The following B4GALT5 variants were observed in gnomAD, a reference collection of about 807,000 sequenced individuals.
B4GALT5 encodes beta-1,4-galactosyltransferase 5, also known as UDP-Gal:beta-GlcNAc beta-1,4-galactosyltransferase 5.
A neutral mutation model predicts 45.0 loss-of-function variants in B4GALT5; 11 were observed. That is an observed-to-expected ratio of 0.24 (90% CI 0.15 to 0.40). B4GALT5 has a LOEUF of 0.40. Among genes scored for constraint, B4GALT5 ranks in the 10% least tolerant of loss-of-function variants. The probability of loss-of-function intolerance (pLI) is 1.00; values close to 1 mark genes in which losing one functional copy is unlikely to be tolerated. For synonymous variants in B4GALT5, 185 were observed against 182.9 expected, an observed-to-expected ratio of 1.01 and a Z score of -0.09; for missense variants, 337 against 500.2, an observed-to-expected ratio of 0.67 and a Z score of 3.11.
At chr20:49,698,335 A>G (rs1395340823) in intron 1 of B4GALT5, among the ~76,000 whole-genome samples, 1 of 152,150 alleles carries the variant, frequency 6.6e-6, no homozygotes, top group Non-Finnish European at 1.5e-5. Context: ...AAAAATAAAA[A>G]AAGAAAAAAG....
At chr20:49,659,384 A>G (rs2085656101) in intron 1 of B4GALT5, among the ~76,000 whole-genome samples, 1 of 152,222 alleles carries the variant, frequency 6.6e-6, no homozygotes, top group African/African-American at 2.4e-5. Flanking sequence ...AGCTTTCAGT[A>G]CCGTGTCAGT....
chr20:49,670,215 C>A (rs1299830914), intron 1 of B4GALT5, among the ~76,000 whole-genome samples: 2 of 152,140 alleles, frequency 1.3e-5, no homozygotes, highest in Admixed American at 1.3e-4. Flanking sequence ...TCACCATACA[C>A]CTTATGTATA....
At chr20:49,674,081 C>CAAAAAAAAAAA in intron 1 of B4GALT5, among the ~76,000 whole-genome samples, 3 of 94,532 alleles carry the variant, frequency 3.2e-5, no homozygotes, top group South Asian at 4.1e-4. Context: ...ATTAAAAATA[C>CAAAAAAAAAAA]AAAAAAAAAA....
chr20:49,652,702 C>T (rs2085627363), intron 2 of B4GALT5, among the ~76,000 whole-genome samples: 1 of 152,190 alleles, frequency 6.6e-6, no homozygotes, highest in Admixed American at 6.5e-5. Context: ...TCACAGACCC[C>T]ATCCCCAAAA....
intron 1 of B4GALT5, among the ~76,000 whole-genome samples, chr20:49,712,496 A>C (rs2085917899): frequency 6.6e-6 from 1 of 152,096 alleles, no homozygotes; most frequent in Non-Finnish European, 1.5e-5. Context: ...GTTTCTCCAG[A>C]GACCGCCTTT....
chr20:49,683,627 A>C lies in B4GALT5; in HGVS notation c.116-26925T>G, dbSNP rs112871850. Among the ~76,000 whole-genome samples the C allele has an allele frequency of 2.7e-3, 412 of 151,822 alleles. 1 individual carries two copies. Among genetic ancestry groups the C allele is most frequent in the African/African-American group, 9.6e-3 (397 of 41,420 alleles). ...AGCGTGGTCTTGAACTCCTGACCTC[A>C]GATGATCTGCCAACCTCAGATGATT... On this transcript the variant is annotated intron_variant, in intron 1 of 8. Coordinates refer to ENST00000371711, the MANE Select transcript of B4GALT5 (RefSeq NM_004776.4).
chr20:49,704,933 G>A (rs993140551), intron 1 of B4GALT5, among the ~76,000 whole-genome samples: 2 of 151,842 alleles, frequency 1.3e-5, no homozygotes, highest in Non-Finnish European at 2.9e-5. Flanking sequence ...GGGTAGCTCC[G>A]TCACCTGCAA....
chr20:49,687,643 T>C (rs2085792182), intron 1 of B4GALT5, among the ~76,000 whole-genome samples: 2 of 152,102 alleles, frequency 1.3e-5, no homozygotes, highest in Non-Finnish European at 2.9e-5. Flanking sequence ...GACTCTGTCC[T>C]GGGAAAAAAT....
In B4GALT5 at chr20:49,646,946, A is replaced by G. The variant is rs768045795; in HGVS notation, c.364+19T>C. The G allele has an allele frequency of 1.3e-6, 2 of 1,504,448 alleles. No homozygotes were observed. The highest frequency in any genetic ancestry group is 3.6e-5 in the Admixed American group (2 of 55,716). 93.2% of individuals were successfully genotyped at this position (1,504,448 alleles called of 1,614,324 possible). On this transcript the variant is annotated intron_variant, in intron 3 of 8. Coordinates refer to ENST00000371711, the MANE Select transcript of B4GALT5 (RefSeq NM_004776.4). ...ATCCATTTTAAAAGCAGAGGAAGAC[A>G]GGCCAGAGCTGTACTCACTCATGGA... is the stretch of plus-strand genomic sequence containing the variant.
intron 2 of B4GALT5, among the ~76,000 whole-genome samples, chr20:49,649,275 ATT>A (rs1420216455): frequency 6.6e-6 from 1 of 152,212 alleles, no homozygotes; most frequent in Non-Finnish European, 1.5e-5. Flanking sequence ...GTAGAGACTA[ATT>A]TATATAAAGA....
At chr20:49,650,676 T>C (rs1423836995) in intron 2 of B4GALT5, among the ~76,000 whole-genome samples, 1 of 151,996 alleles carries the variant, frequency 6.6e-6, no homozygotes, top group Admixed American at 6.6e-5. Flanking sequence ...TCAGTAGCAA[T>C]AGAGGCCTTT....
intron 6 of B4GALT5, 22 bp downstream of exon 6, chr20:49,640,452 TTTAA>T: frequency 1.3e-6 from 2 of 1,541,840 alleles, no homozygotes; most frequent in South Asian, 1.3e-5. Context: ...ATTTAACCTC[TTTAA>T]TTAAGAAGAA....
At position 49,634,018 on chromosome 20, in the gene B4GALT5, A is replaced by G. The variant is rs1289559199; in HGVS notation, c.*2294T>C. 1.3e-5 allele frequency: 2 copies of G among 152,662 alleles called. No individual in the cohort carries two copies. The highest frequency in any genetic ancestry group is 2.1e-4 in the South Asian group (1 of 4,836). The allele number at this position is 152,662 out of a possible 1,614,324, so 9.5% of individuals were successfully genotyped here. A position where few individuals can be genotyped will look rare whatever the true frequency, so the allele number is the denominator to read the frequency against. On this transcript the variant is annotated 3_prime_UTR_variant, in exon 9 of 9. Coordinates refer to ENST00000371711, the MANE Select transcript of B4GALT5 (RefSeq NM_004776.4). ...GAAAACCAAATGAACTTCTGTGTGT[A>G]ATGTTCACTTGTGAAGGTATTTTAA... is the stretch of plus-strand genomic sequence containing the variant.
chr20:49,712,784 C>G (rs2085920567), intron 1 of B4GALT5, among the ~76,000 whole-genome samples: 1 of 89,038 alleles, frequency 1.1e-5, no homozygotes, highest in South Asian at 4.2e-4. Flanking sequence ...GGCTGAAAGT[C>G]TGGGGGGCTG....
At chr20:49,683,376 C>CAGGTTTAA (rs1295136263) in intron 1 of B4GALT5, among the ~76,000 whole-genome samples, 1 of 146,192 alleles carries the variant, frequency 6.8e-6, no homozygotes, top group East Asian at 2.0e-4. Context: ...GAGGGCTAGA[C>CAGGTTTAA]AGGTTTAAAT....
At position 49,654,666 on chromosome 20, in the gene B4GALT5, G is replaced by A. The variant is rs181912497; in HGVS notation, c.250+1902C>T. Reference sequence around the variant, plus strand: ...AAGCGCCACAGAATAATTCGCATTTGCAACATTTGCAAAGCAATTTCACAT... The same window carrying A: ...AAGCGCCACAGAATAATTCGCATTTACAACATTTGCAAAGCAATTTCACAT... On this transcript the variant is annotated intron_variant, in intron 2 of 8. Coordinates refer to ENST00000371711, the MANE Select transcript of B4GALT5 (RefSeq NM_004776.4). Among the ~76,000 whole-genome samples the A allele has an allele frequency of 3.3e-5, 5 of 152,330 alleles. No individual in the cohort carries two copies. In the East Asian group the frequency reaches 9.7e-4, roughly 29 times the overall value.
intron 1 of B4GALT5, among the ~76,000 whole-genome samples, chr20:49,695,656 C>T (rs1229522007): frequency 6.6e-6 from 1 of 152,188 alleles, no homozygotes; most frequent in African/African-American, 2.4e-5. Context: ...GGTGTTTGGC[C>T]TCCCAAAGTG....
chr20:49,673,590 T>G (rs995097991), intron 1 of B4GALT5, among the ~76,000 whole-genome samples: 54 of 152,246 alleles, frequency 3.5e-4, no homozygotes, highest in African/African-American at 1.1e-3. Context: ...AATAACATTC[T>G]GAGCACCACT....
intron 1 of B4GALT5, among the ~76,000 whole-genome samples, chr20:49,685,924 C>CA (rs199658998): frequency 0.037 from 4,416 of 120,118 alleles, 130 homozygotes; most frequent in African/African-American, 0.098. Context: ...GATAAATGTG[C>CA]AAAAAAAAAA....
Sources: allele counts gnomAD v4.1 joint callset (sites outside exome capture counted in the v4.1 genomes callset), GRCh38; gene constraint gnomAD v4.1.1; transcripts MANE v1.5; gene names NCBI Gene and HGNC (gene_info 2026-07-23, HGNC 2026-07-21).